Variants in CES5A observed in about 807,000 individuals in gnomAD.
The protein encoded by CES5A is carboxylesterase 5A.
CES5A carries 67 observed loss-of-function variants against 62.9 expected under a neutral mutation model. That is an observed-to-expected ratio of 1.07 (90% CI 0.88 to 1.31). CES5A has a LOEUF of 1.31. Ranked by LOEUF, CES5A falls within the 50% of genes most tolerant of loss-of-function variation. The pLI, the probability that CES5A is intolerant of heterozygous loss-of-function variation, is 0.00. For synonymous variants in CES5A, 296 were observed against 280.8 expected (o/e 1.05, Z -0.54); for missense variants, 748 against 708.5 (o/e 1.06, Z -0.63).
At chr16:55,867,637 A>G (rs4081665) in intron 4 of CES5A, among the ~76,000 whole-genome samples, 41,976 of 151,886 alleles carry the variant, frequency 0.28, 5,981 homozygotes, top group Middle Eastern at 0.34. Context: ...CCTGGTCCCC[A>G]TTTCTCCATC....
intron 1 of CES5A, among the ~76,000 whole-genome samples, chr16:55,874,716 T>C (rs1213246778): frequency 6.6e-6 from 1 of 152,140 alleles, no homozygotes; most frequent in African/African-American, 2.4e-5. Context: ...CATGCAGGGG[T>C]CTCAGTCACC....
intron 7 of CES5A, 115 bp downstream of exon 7, chr16:55,861,297 T>C (rs2033345229): frequency 3.1e-6 from 2 of 654,296 alleles, no homozygotes; most frequent in African/African-American, 1.8e-5. Context: ...ACCAAGTACC[T>C]CAATCCTCCT....
upstream of CES5A, chr16:55,875,436 T>A: frequency 8.3e-7 from 1 of 1,198,862 alleles, no homozygotes; most frequent in Non-Finnish European, 1.1e-6. Context: ...AGCTGATGAT[T>A]AACTATTGAG....
At chr16:55,937,841 A>T (rs2034392686) in intron 2 of CES5A, among the ~76,000 whole-genome samples, 1 of 152,168 alleles carries the variant, frequency 6.6e-6, no homozygotes, top group African/African-American at 2.4e-5. Flanking sequence ...TTGGGCTACA[A>T]GCTTACTGTC....
intron 1 of CES5A, among the ~76,000 whole-genome samples, chr16:55,909,650 T>C (rs1358328814): frequency 1.3e-5 from 2 of 151,868 alleles, no homozygotes; most frequent in East Asian, 3.9e-4. Context: ...TGAGCTACCA[T>C]GAATAAGAAA....
At chr16:55,928,070 C>T (rs144292093), upstream of CES5A, among the ~76,000 whole-genome samples, 2,496 of 152,140 alleles carry the variant, frequency 0.016, 23 homozygotes, top group Middle Eastern at 0.051. Context: ...GGTGAAACCC[C>T]GTCTCTACTA....
At chr16:55,921,405 T>C (rs1236099669) in intron 1 of CES5A, among the ~76,000 whole-genome samples, 2 of 151,942 alleles carry the variant, frequency 1.3e-5, no homozygotes, top group Non-Finnish European at 2.9e-5. Flanking sequence ...CCTCAATTTG[T>C]CTAGCAACAG....
chr16:55,943,997 G>C (rs2034469769), intron 2 of CES5A: 1 of 701,710 alleles, frequency 1.4e-6, no homozygotes, highest in Non-Finnish European at 2.6e-6. Flanking sequence ...CCCACCTGAG[G>C]ATTCTCTTTC....
At chr16:55,884,903 C>T (rs1188343634) in intron 1 of CES5A, among the ~76,000 whole-genome samples, 2 of 152,146 alleles carry the variant, frequency 1.3e-5, no homozygotes, top group Non-Finnish European at 2.9e-5. Context: ...TACCACTAAA[C>T]TTCTTAGTGA....
intron 1 of CES5A, among the ~76,000 whole-genome samples, chr16:55,907,826 CT>C (rs1336182374): frequency 6.6e-6 from 1 of 152,162 alleles, no homozygotes; most frequent in Non-Finnish European, 1.5e-5. Flanking sequence ...ACTGTCCCTT[CT>C]TGTGACTGAT....
At chr16:55,930,443 A>T (rs1275102966), upstream of CES5A, among the ~76,000 whole-genome samples, 5 of 152,062 alleles carry the variant, frequency 3.3e-5, no homozygotes, top group African/African-American at 1.2e-4. Flanking sequence ...ATCTCCCCCA[A>T]GTGTCACTAC....
At chr16:55,894,186 G>A (rs2033908040) in intron 1 of CES5A, among the ~76,000 whole-genome samples, 1 of 152,088 alleles carries the variant, frequency 6.6e-6, no homozygotes, top group South Asian at 2.1e-4. Flanking sequence ...AGAAAGCTGG[G>A]AGAATGTTTT....
In CES5A at chr16:55,872,130, G is replaced by T. The variant is rs114166221; in HGVS notation, c.279-367C>A. On this transcript the variant is annotated intron_variant, in intron 2 of 12. Transcript: ENST00000290567. Reference sequence around the variant, plus strand: ...AAACTGTAGAGGGCAGGACATAGTCGAATAACAAGGGCTTTGCCCCTGCGG... The same window carrying T: ...AAACTGTAGAGGGCAGGACATAGTCTAATAACAAGGGCTTTGCCCCTGCGG... Among the ~76,000 whole-genome samples, 963 of 152,184 alleles carry T rather than the reference G, an allele frequency of 6.3e-3. 17 individuals are homozygous for T. Among genetic ancestry groups the T allele is most frequent in the East Asian group, 0.042 (218 of 5,158 alleles).
At chr16:55,867,736 T>G (rs1250308192) in intron 4 of CES5A, among the ~76,000 whole-genome samples, 2 of 152,236 alleles carry the variant, frequency 1.3e-5, no homozygotes, top group African/African-American at 2.4e-5. Flanking sequence ...ATTATCTGGG[T>G]GACCTTGGGC....
chr16:55,892,916 A>T (rs1487821234), intron 1 of CES5A, among the ~76,000 whole-genome samples: 1 of 152,188 alleles, frequency 6.6e-6, no homozygotes. Context: ...AAAAATAGGT[A>T]AAAGGATTAG....
In CES5A at chr16:55,873,904, G is replaced by A; in HGVS notation, c.207C>T (p.Ser69=). 5 of 1,613,820 alleles carry A rather than the reference G, an allele frequency of 3.1e-6. No individual in the cohort carries two copies. Among genetic ancestry groups the A allele is most frequent in the Non-Finnish European group, 4.2e-6 (5 of 1,179,992 alleles). The change falls in exon 2 of 13, where the codon TCC becomes TCT. Residue 69 remains serine (S), a synonymous_variant. Coordinates refer to ENST00000290567, the MANE Select transcript of CES5A (RefSeq NM_001143685.2). ...GVPFAAPPLG[S]LRFTNPQPAS... is the part of the protein sequence containing the mutation. Reference sequence around the variant, plus strand: ...CAGGCTGCGGGTTCGTAAATCGCAGGGATCCCAGCGGGGGAGCAGCAAAGG... The same window carrying A: ...CAGGCTGCGGGTTCGTAAATCGCAGAGATCCCAGCGGGGGAGCAGCAAAGG...
At chr16:55,907,724 G>A (rs1223315060) in intron 1 of CES5A, among the ~76,000 whole-genome samples, 1 of 152,114 alleles carries the variant, frequency 6.6e-6, no homozygotes, top group Non-Finnish European at 1.5e-5. Context: ...AGGTGGCAAG[G>A]CCAACTCATT....
chr16:55,948,574 A>G (rs551531299), intron 2 of CES5A, among the ~76,000 whole-genome samples: 3 of 152,278 alleles, frequency 2.0e-5, no homozygotes, highest in South Asian at 2.1e-4. Context: ...GTGGCCTTCT[A>G]TCTTGTAGCT....
chr16:55,911,471 C>T (rs2034092185), intron 1 of CES5A, among the ~76,000 whole-genome samples: 1 of 152,146 alleles, frequency 6.6e-6, no homozygotes, highest in African/African-American at 2.4e-5. Flanking sequence ...TATTGTGCTC[C>T]AAAATATGCC....
Sources: allele counts gnomAD v4.1 joint callset (sites outside exome capture counted in the v4.1 genomes callset), GRCh38; gene constraint gnomAD v4.1.1; transcripts MANE v1.5; gene names NCBI Gene and HGNC (gene_info 2026-07-23, HGNC 2026-07-21).